RRM2: variants seen among roughly 807,000 people sequenced by gnomAD.
The protein encoded by RRM2 is ribonucleoside-diphosphate reductase subunit M2.
In RRM2, 6 loss-of-function variants were observed where a neutral mutation model predicts 45.9. The ratio of observed to expected loss-of-function variants is 0.13; its 90% CI spans 0.07 to 0.26. The LOEUF is 0.26. Ranked by LOEUF, RRM2 falls within the 10% of genes least tolerant of loss-of-function variation. RRM2 has a pLI of 1.00. For synonymous variants in RRM2, 177 were observed against 173.0 expected, an observed-to-expected ratio of 1.02 and a Z score of -0.18; for missense variants, 343 against 489.5, an observed-to-expected ratio of 0.70 and a Z score of 2.82.
chr2:10,150,510 A>ATT (rs35764183), intron 3 of RRM2, among the ~76,000 whole-genome samples: 22 of 145,852 alleles, frequency 1.5e-4, no homozygotes, highest in South Asian at 4.3e-4. Context: ...CTATGGGATG[A>ATT]TTTTTTTTTT....
intron 5 of RRM2, among the ~76,000 whole-genome samples, chr2:10,126,361 TGG>T (rs1662780943): frequency 6.6e-6 from 1 of 152,108 alleles, no homozygotes; most frequent in African/African-American, 2.4e-5. Context: ...TTTCCTGACC[TGG>T]GATCGACAGT....
At chr2:10,138,096 G>A (rs1212422923), upstream of RRM2, among the ~76,000 whole-genome samples, 3 of 152,044 alleles carry the variant, frequency 2.0e-5, no homozygotes, top group Non-Finnish European at 4.4e-5. Flanking sequence ...TGCCTCCCAG[G>A]TTCAAGTGAT....
chr2:10,190,116 GTGATGGTGATGA>G (rs1664256107), intron 3 of RRM2, among the ~76,000 whole-genome samples: 1 of 150,046 alleles, frequency 6.7e-6, no homozygotes, highest in African/African-American at 2.5e-5. Flanking sequence ...GGAGATGATA[GTGATGGTGATGA>G]TGATGGTGAT....
At chr2:10,203,187 G>A (rs923126758) in intron 3 of RRM2, among the ~76,000 whole-genome samples, 9 of 152,164 alleles carry the variant, frequency 5.9e-5, no homozygotes, top group Non-Finnish European at 1.2e-4. Context: ...AGCTGTTTTC[G>A]AGAGAAGCCA....
At chr2:10,201,192 T>C (rs1664564617) in intron 3 of RRM2, among the ~76,000 whole-genome samples, 1 of 151,748 alleles carries the variant, frequency 6.6e-6, no homozygotes, top group Admixed American at 6.6e-5. Flanking sequence ...AACAGACTTG[T>C]ATTGCACCTT....
chr2:10,181,258 G>T (rs573225750), intron 3 of RRM2, among the ~76,000 whole-genome samples: 1 of 152,266 alleles, frequency 6.6e-6, no homozygotes, highest in East Asian at 1.9e-4. Context: ...TAATTAATTT[G>T]CCCAAAGACA....
chr2:10,193,771 C>T (rs901545151), intron 3 of RRM2, among the ~76,000 whole-genome samples: 1 of 152,202 alleles, frequency 6.6e-6, no homozygotes, highest in Non-Finnish European at 1.5e-5. Flanking sequence ...AGCAGAGCCG[C>T]AGCAGCCACA....
chr2:10,171,486 C>T lies in RRM2; in HGVS notation n.482+29111C>T, dbSNP rs1663804971. Among the ~76,000 whole-genome samples the T allele has an allele frequency of 6.6e-6, 1 of 152,186 alleles. No homozygotes were observed. Among genetic ancestry groups the T allele is most frequent in the South Asian group, 2.1e-4 (1 of 4,832 alleles). On this transcript the variant is annotated intron_variant and non_coding_transcript_variant, in intron 3 of 3. Transcript: ENST00000381786. This position sits in a 1 kb window ranked among gnomAD's most constrained non-coding sequence, Gnocchi z 4.1. ...GCTGGTGACATTTCTGCAATTGTTC[C>T]TAAAGAGGGGCCTGTGGGTCGAGTG...
rs539539268 is a variant in RRM2 at position 10,152,311 on chromosome 2, T to C, written n.482+9936T>C. On this transcript the variant is annotated intron_variant and non_coding_transcript_variant, in intron 3 of 3. Coordinates refer to the RRM2 transcript ENST00000381786. ...TAGGTTTAACAGCTCTTTATTCTAG[T>C]TACACGTCTTTTATCAGATATATGA... is the stretch of plus-strand genomic sequence containing the variant. 1.2e-3 allele frequency among the ~76,000 whole-genome samples: 187 copies of C among 152,266 alleles called. 2 individuals are homozygous for C. The highest frequency in any genetic ancestry group is 4.3e-3 in the African/African-American group (179 of 41,546).
chr2:10,151,611 G>T (rs1663313838), intron 3 of RRM2, among the ~76,000 whole-genome samples: 1 of 152,086 alleles, frequency 6.6e-6, no homozygotes, highest in South Asian at 2.1e-4. Context: ...TTGCTGTTGA[G>T]GAGGTGCATA....
At position 10,122,916 on chromosome 2, in the gene RRM2, C is replaced by A; in HGVS notation, c.99+19C>A. Reference sequence around the variant, plus strand: ...GAACACGGTGAGCCCGCGGGGAGGGCGCTGCGGGCAGGGGAGGGAGGCAGG... The same window carrying A: ...GAACACGGTGAGCCCGCGGGGAGGGAGCTGCGGGCAGGGGAGGGAGGCAGG... On this transcript the variant is annotated intron_variant, in intron 1 of 9. Coordinates refer to ENST00000304567, the MANE Select transcript of RRM2 (RefSeq NM_001034.4). 1 of 1,562,542 alleles carries A rather than the reference C, an allele frequency of 6.4e-7. No individual in the cohort carries two copies. Among genetic ancestry groups the A allele is most frequent in the Admixed American group, 1.9e-5 (1 of 52,720 alleles).
chr2:10,123,310 A>G lies in RRM2; in HGVS notation c.175-77A>G, dbSNP rs143710525. The G allele has an allele frequency of 2.0e-6, 3 of 1,502,402 alleles. No individual in the cohort carries two copies. In the African/African-American group the frequency reaches 4.2e-5, roughly 21 times the overall value. 93.1% of individuals were successfully genotyped at this position (1,502,402 alleles called of 1,614,324 possible). A position where few individuals can be genotyped will look rare whatever the true frequency, so the allele number is the denominator to read the frequency against. ...GGCCCCGTGAAATTGCCGCCAATGG[A>G]AAGGACTTGGTCCAGAAAAACGTTA... On this transcript the variant is annotated intron_variant, in intron 2 of 9. Transcript: ENST00000304567.
chr2:10,152,636 G>A (rs57133108), intron 3 of RRM2, among the ~76,000 whole-genome samples: 9,356 of 151,844 alleles, frequency 0.062, 358 homozygotes, highest in Middle Eastern at 0.12. Flanking sequence ...GCGCCCGCAA[G>A]CATGTGTGGT....
At chr2:10,150,874 C>T (rs1021867599) in intron 3 of RRM2, among the ~76,000 whole-genome samples, 29 of 145,404 alleles carry the variant, frequency 2.0e-4, no homozygotes, top group Non-Finnish European at 7.4e-5. Context: ...AGTGCAATGG[C>T]GCGATCTCGG....
intron 3 of RRM2, among the ~76,000 whole-genome samples, chr2:10,193,530 C>T (rs148507072): frequency 0.016 from 2,440 of 152,338 alleles, 34 homozygotes; most frequent in Non-Finnish European, 0.026. Context: ...AGATGCCAGC[C>T]GAGCGCGCCT....
intron 3 of RRM2, among the ~76,000 whole-genome samples, chr2:10,152,243 C>T (rs1295724645): frequency 8.6e-5 from 13 of 151,978 alleles, no homozygotes; most frequent in African/African-American, 2.7e-4. Flanking sequence ...CCACCATGCC[C>T]GGCCCCTTTG....
chr2:10,180,531 G>A (rs976639489), intron 3 of RRM2, among the ~76,000 whole-genome samples: 2 of 152,146 alleles, frequency 1.3e-5, no homozygotes, highest in Non-Finnish European at 2.9e-5. Flanking sequence ...AGAGGCCCAC[G>A]AGGGCCTTGG....
intron 3 of RRM2, among the ~76,000 whole-genome samples, chr2:10,161,522 G>C (rs1328098249): frequency 6.6e-6 from 1 of 152,154 alleles, no homozygotes; most frequent in Non-Finnish European, 1.5e-5. Context: ...AGCCCAGTGA[G>C]GGGCCAGCCT....
At chr2:10,150,329 C>A (rs769823942) in intron 3 of RRM2, among the ~76,000 whole-genome samples, 4 of 151,838 alleles carry the variant, frequency 2.6e-5, no homozygotes, top group Non-Finnish European at 4.4e-5. Flanking sequence ...TGCTTATAAT[C>A]CCAGCTACTG....
Sources: gnomAD v4.1 joint callset for allele counts (sites outside exome capture counted in the v4.1 genomes callset) on GRCh38, gnomAD v4.1.1 for gene constraint, Gnocchi (gnomAD v3.1) non-coding constraint, MANE v1.5 for transcripts, NCBI Gene and HGNC (gene_info 2026-07-23, HGNC 2026-07-21) for gene names.